ZNF653: variants seen among roughly 807,000 people sequenced by gnomAD.
ZNF653 encodes zinc finger protein 653, also known as 67 kDa zinc finger protein.
ZNF653 carries 37 observed loss-of-function variants against 59.9 expected under a neutral mutation model. The observed-to-expected ratio is 0.62, with a 90% CI of 0.48 to 0.81. The LOEUF is 0.81. Ranked by LOEUF, ZNF653 falls within the 40% of genes least tolerant of loss-of-function variation. The probability of loss-of-function intolerance (pLI) is 0.00; values close to 1 mark genes in which losing one functional copy is unlikely to be tolerated. For missense variants in ZNF653, 808 were observed against 881.1 expected (o/e 0.92, Z 1.05); for synonymous variants, 435 against 371.8 (o/e 1.17, Z -1.96).
rs575738917 is a variant in ZNF653 at position 11,494,478 on chromosome 19, G to C, written c.559+1472C>G. Among the ~76,000 whole-genome samples the C allele has an allele frequency of 1.6e-3, 237 of 152,186 alleles. 1 individual carries two copies. Among genetic ancestry groups the C allele is most frequent in the Middle Eastern group, 6.8e-3 (2 of 294 alleles). ...GGCCGAGGTGGGTGGATCAACTGAG[G>C]TCAGGAGTTCAAGACCAGCCGGCCA... On this transcript the variant is annotated intron_variant, in intron 3 of 8. Coordinates refer to ENST00000293771, the MANE Select transcript of ZNF653 (RefSeq NM_138783.4).
At chr19:11,493,384 T>TAC (rs1179658382) in intron 3 of ZNF653, among the ~76,000 whole-genome samples, 1 of 151,992 alleles carries the variant, frequency 6.6e-6, no homozygotes, top group Non-Finnish European at 1.5e-5. Context: ...AATGAGTAAA[T>TAC]ATGTATAAGG....
intron 6 of ZNF653, 21 bp from the exon 7 acceptor site, chr19:11,485,791 A>G (rs1971459445): frequency 6.3e-7 from 1 of 1,596,266 alleles, no homozygotes; most frequent in Admixed American, 1.7e-5. Context: ...GACAGGCAGA[A>G]GTGGGTCCCA....
chr19:11,505,747 C>T lies in ZNF653; in HGVS notation c.40G>A (p.Ala14Thr), dbSNP rs1207075957. ...GCCTCCCCGCCCGCGCCCGCCTCAG[C>T]CTCCGCCTCCGCCTCGGGCTCTAGC... is the stretch of plus-strand genomic sequence containing the variant. ...RALEPEAEAE[A>T]EAGAGGEAAA... is the part of the protein sequence containing the mutation. Residue 14 changes from alanine (A) to threonine (T), a missense_variant, in exon 1 of 9, where the codon GCT becomes ACT. By Grantham distance (58) the Ala-to-Thr change is moderately conservative. Transcript: ENST00000293771. 10 of 1,438,036 alleles carry T rather than the reference C, an allele frequency of 7.0e-6. No individual in the cohort carries two copies. Among genetic ancestry groups the T allele is most frequent in the Admixed American group, 3.0e-5 (1 of 33,262 alleles). 89.1% of individuals were successfully genotyped at this position (1,438,036 alleles called of 1,614,324 possible).
chr19:11,486,941 G>C (rs755222802), intron 5 of ZNF653, 46 bp downstream of exon 5: 1 of 1,610,126 alleles, frequency 6.2e-7, no homozygotes, highest in African/African-American at 1.3e-5. Context: ...GGGCCTGCGG[G>C]CCGCTTCTAG....
Position 11,483,906 on chromosome 19 carries a change from G to T in ZNF653, c.1671-47C>A, listed in dbSNP as rs527549792. ...ACGGGGCGGGGTCAGAGTGGGCGGG[G>T]CGGGGCGGGGCCCTACAAGGCCGAG... On this transcript the variant is annotated intron_variant, in intron 8 of 8. Transcript: ENST00000293771. 1.8e-3 allele frequency: 2,756 copies of T among 1,515,340 alleles called. 2 individuals are homozygous for T. Among genetic ancestry groups the T allele is most frequent in the Non-Finnish European group, 2.2e-3 (2,493 of 1,128,654 alleles). The allele number at this position is 1,515,340 out of a possible 1,614,324, so 93.9% of individuals were successfully genotyped here. A position where few individuals can be genotyped will look rare whatever the true frequency, so the allele number is the denominator to read the frequency against.
chr19:11,484,724 G>A (rs1599559342), intron 7 of ZNF653, among the ~76,000 whole-genome samples: 1 of 151,802 alleles, frequency 6.6e-6, no homozygotes, highest in East Asian at 1.9e-4. Context: ...TTGAACTTTG[G>A]GTGATTTCGC....
intron 8 of ZNF653, 53 bp downstream of exon 8, chr19:11,483,989 T>C: frequency 6.5e-7 from 1 of 1,539,888 alleles, no homozygotes; most frequent in Non-Finnish European, 8.8e-7. Context: ...TGGGACCTGC[T>C]GGGATCCCCT....
chr19:11,485,716 C>A lies in ZNF653; in HGVS notation c.1510G>T (p.Gly504Cys). 6.2e-7 allele frequency: 1 copy of A among 1,614,068 alleles called. No homozygotes were observed. The highest frequency in any genetic ancestry group is 8.5e-7 in the Non-Finnish European group (1 of 1,179,996). ...GATAAATAGAACTTCTTGCCACAGC[C>A]AGGATGAGGGCACACTTTGGTCTTT... is the stretch of plus-strand genomic sequence containing the variant. ...KGKTKVCPHP[G>C]CGKKFYLSNH... The change falls in exon 7 of 9, where the codon GGC (glycine) becomes TGC (cysteine). Residue 504 changes from glycine to cysteine, a missense_variant. By Grantham distance (159) the Gly-to-Cys change is radical. Coordinates refer to ENST00000293771, the MANE Select transcript of ZNF653 (RefSeq NM_138783.4).
chr19:11,485,379 C>G (rs1344774381), intron 7 of ZNF653, among the ~76,000 whole-genome samples: 1 of 152,096 alleles, frequency 6.6e-6, no homozygotes, highest in African/African-American at 2.4e-5. Flanking sequence ...CCCTAAGTCT[C>G]GCATGAGACC....
intron 1 of ZNF653, among the ~76,000 whole-genome samples, chr19:11,501,802 T>C (rs1018724886): frequency 2.6e-5 from 4 of 152,144 alleles, no homozygotes; most frequent in African/African-American, 4.8e-5. Flanking sequence ...AGTAACTTTT[T>C]TTTTTCTTTT....
intron 3 of ZNF653, among the ~76,000 whole-genome samples, chr19:11,493,295 T>C (rs1263373933): frequency 6.6e-6 from 1 of 152,024 alleles, no homozygotes; most frequent in Admixed American, 6.6e-5. Flanking sequence ...TGGTCTCAAG[T>C]GATCCACCTG....
rs749802000 is a variant in ZNF653 at position 11,486,789 on chromosome 19, C to T, written c.1435G>A (p.Val479Met). ...CPYEGCSQVY[V>M]ALSSFQNHVN... The stretch of plus-strand genomic sequence containing the variant: ...CTCACCTGGAAGCTGCTGAGGGCCA[C>T]GTAGACTTGGCTGCAGCCCTCGTAT... The change falls in exon 6 of 9, where the codon GTG (valine) becomes ATG (methionine). Residue 479 changes from valine to methionine, a missense_variant. Transcript: ENST00000293771. The T allele has an allele frequency of 1.7e-5, 28 of 1,609,268 alleles. No individual in the cohort carries two copies. Among genetic ancestry groups the T allele is most frequent in the East Asian group, 2.2e-5 (1 of 44,526 alleles).
rs560477077 is a variant in ZNF653 at position 11,488,906 on chromosome 19, T to G, written c.560-1003A>C. Among the ~76,000 whole-genome samples, 4 of 142,418 alleles carry G rather than the reference T, an allele frequency of 2.8e-5. No homozygotes were observed. The East Asian group carries it at 8.1e-4, about 29-fold the overall frequency. 93.4% of individuals were successfully genotyped at this position (142,418 alleles called of 152,430 possible). ...CCACCGCATCCGGCCTGAGTTTTTC[T>G]TTTTTTTTTTTGAGACAGAGTTTCG... On this transcript the variant is annotated intron_variant, in intron 3 of 8. Transcript: ENST00000293771.
At chr19:11,501,740 G>A (rs1477926466) in intron 1 of ZNF653, among the ~76,000 whole-genome samples, 1 of 152,110 alleles carries the variant, frequency 6.6e-6, no homozygotes, top group African/African-American at 2.4e-5. Context: ...CCTTACCAAG[G>A]AGAGCAACCG....
chr19:11,492,649 T>G (rs1478944841), intron 3 of ZNF653, among the ~76,000 whole-genome samples: 2 of 152,068 alleles, frequency 1.3e-5, no homozygotes, highest in Admixed American at 1.3e-4. Flanking sequence ...CAGCCTGCAC[T>G]CTATATTTTT....
At chr19:11,486,469 C>T (rs1018022834) in intron 6 of ZNF653, among the ~76,000 whole-genome samples, 2 of 152,244 alleles carry the variant, frequency 1.3e-5, no homozygotes, top group East Asian at 3.8e-4. Context: ...GAACAGGCAG[C>T]CCCAATTGAT....
At chr19:11,494,297 G>T (rs1201424539) in intron 3 of ZNF653, among the ~76,000 whole-genome samples, 4 of 151,748 alleles carry the variant, frequency 2.6e-5, no homozygotes, top group African/African-American at 4.8e-5. Context: ...ACTCCAGCTT[G>T]GGTGACAGAG....
rs1182491281 is a variant in ZNF653 at position 11,486,794 on chromosome 19, A to G, written c.1430T>C (p.Val477Ala). Residue 477 changes from valine to alanine, a missense_variant, in exon 6 of 9, where the codon GTC becomes GCC. Transcript: ENST00000293771. Reference protein sequence around the residue: ...FHCPYEGCSQVYVALSSFQNH... With the variant: ...FHCPYEGCSQAYVALSSFQNH... ...CTGGAAGCTGCTGAGGGCCACGTAG[A>G]CTTGGCTGCAGCCCTCGTATGGGCA... 1 of 1,610,366 alleles carries G rather than the reference A, an allele frequency of 6.2e-7. No individual in the cohort carries two copies. Among genetic ancestry groups the G allele is most frequent in the Admixed American group, 1.7e-5 (1 of 59,622 alleles).
At chr19:11,493,200 G>A (rs987422808) in intron 3 of ZNF653, among the ~76,000 whole-genome samples, 3 of 151,926 alleles carry the variant, frequency 2.0e-5, no homozygotes, top group African/African-American at 7.3e-5. Flanking sequence ...TAGGATTACA[G>A]GCATGCGCCA....
Sources: allele counts gnomAD v4.1 joint callset (sites outside exome capture counted in the v4.1 genomes callset), GRCh38; gene constraint gnomAD v4.1.1; transcripts MANE v1.5; gene names NCBI Gene and HGNC (gene_info 2026-07-23, HGNC 2026-07-21).